B3GALT1: variants seen among roughly 807,000 people sequenced by gnomAD.
The protein encoded by B3GALT1 is UDP-Gal:betaGlcNAc beta 1,3-galactosyltransferase, polypeptide 1.
A neutral mutation model predicts 23.2 loss-of-function variants in B3GALT1; 10 were observed. The ratio of observed to expected loss-of-function variants is 0.43; its 90% CI spans 0.27 to 0.73. The LOEUF is 0.73. Ranked by LOEUF, B3GALT1 falls within the 30% of genes least tolerant of loss-of-function variation. B3GALT1 has a pLI of 0.21. For synonymous variants in B3GALT1, 156 were observed against 141.5 expected (o/e 1.10, Z -0.73); for missense variants, 299 against 405.4 (o/e 0.74, Z 2.25).
chr2:167,498,530 C>T (rs893881425), intron 2 of B3GALT1, among the ~76,000 whole-genome samples: 6 of 151,970 alleles, frequency 3.9e-5, no homozygotes, highest in Non-Finnish European at 8.8e-5. Flanking sequence ...TTTAAAATAT[C>T]TTTCTATGTT....
intron 3 of B3GALT1, among the ~76,000 whole-genome samples, chr2:167,726,761 C>G (rs1687323227): frequency 6.6e-6 from 1 of 152,254 alleles, no homozygotes; most frequent in Non-Finnish European, 1.5e-5. Context: ...ACACTTCAGT[C>G]TAACTGGCTG....
At chr2:167,547,348 A>G (rs1401547960) in intron 2 of B3GALT1, among the ~76,000 whole-genome samples, 1 of 152,190 alleles carries the variant, frequency 6.6e-6, no homozygotes, top group Non-Finnish European at 1.5e-5. Flanking sequence ...TGGGATACCA[A>G]CAAAAAAATT....
chr2:167,555,781 C>T (rs539236698), intron 2 of B3GALT1, among the ~76,000 whole-genome samples: 3 of 152,170 alleles, frequency 2.0e-5, no homozygotes, highest in East Asian at 3.9e-4. Context: ...TACCATATGG[C>T]GTGTTAATAT....
intron 2 of B3GALT1, among the ~76,000 whole-genome samples, chr2:167,543,226 C>A (rs1425175967): frequency 6.6e-6 from 1 of 151,970 alleles, no homozygotes; most frequent in Non-Finnish European, 1.5e-5. Context: ...TGAGAAAAGT[C>A]TTTTTAATAA....
chr2:167,796,963 G>T (rs769086709), intron 3 of B3GALT1, among the ~76,000 whole-genome samples: 19 of 152,098 alleles, frequency 1.2e-4, no homozygotes, highest in Non-Finnish European at 2.5e-4. Flanking sequence ...TTTAAATCGA[G>T]CATTTTTTTC....
intron 4 of B3GALT1, among the ~76,000 whole-genome samples, chr2:167,826,191 G>A (rs1689221020): frequency 6.6e-6 from 1 of 152,122 alleles, no homozygotes; most frequent in Non-Finnish European, 1.5e-5. Flanking sequence ...GGCAGGGAAT[G>A]GGTCAGGTCA....
intron 1 of B3GALT1, among the ~76,000 whole-genome samples, chr2:167,453,486 G>T (rs545606986): frequency 6.6e-6 from 1 of 152,114 alleles, no homozygotes; most frequent in Non-Finnish European, 1.5e-5. Flanking sequence ...TTATCACAAG[G>T]TTAATGCAAG....
intron 3 of B3GALT1, among the ~76,000 whole-genome samples, chr2:167,753,270 C>T (rs1391941345): frequency 6.6e-6 from 1 of 152,202 alleles, no homozygotes; most frequent in Non-Finnish European, 1.5e-5. Flanking sequence ...GAGCAATACC[C>T]AGAGCCATGC....
intron 3 of B3GALT1, among the ~76,000 whole-genome samples, chr2:167,792,094 C>T (rs750467662): frequency 2.0e-5 from 3 of 151,992 alleles, no homozygotes; most frequent in South Asian, 4.2e-4. Flanking sequence ...ACAATATAAC[C>T]TCTCTGACGG....
intron 3 of B3GALT1, among the ~76,000 whole-genome samples, chr2:167,809,477 T>C (rs1172927251): frequency 3.9e-5 from 6 of 152,202 alleles, no homozygotes; most frequent in African/African-American, 7.2e-5. Context: ...GGATGTCCTT[T>C]GTGTTTGTTA....
chr2:167,676,496 T>C (rs960875833), intron 3 of B3GALT1, among the ~76,000 whole-genome samples: 22 of 139,842 alleles, frequency 1.6e-4, no homozygotes, highest in East Asian at 4.2e-4. Flanking sequence ...CACACACACA[T>C]GCACACACGT....
chr2:167,728,269 T>C (rs1687350979), intron 3 of B3GALT1, among the ~76,000 whole-genome samples: 1 of 152,118 alleles, frequency 6.6e-6, no homozygotes, highest in Admixed American at 6.6e-5. Context: ...CACCTGTAAT[T>C]TCAGCTACTC....
intron 4 of B3GALT1, among the ~76,000 whole-genome samples, chr2:167,837,472 G>A (rs1322083847): frequency 3.3e-5 from 5 of 151,710 alleles, no homozygotes; most frequent in Non-Finnish European, 7.4e-5. Context: ...CACAAGAAGA[G>A]CTAACTATCC....
At position 167,432,426 on chromosome 2, in the gene B3GALT1, G is replaced by A. The variant is rs538713335; in HGVS notation, c.-510-57751G>A. Among the ~76,000 whole-genome samples the A allele has an allele frequency of 5.8e-4, 88 of 152,314 alleles. 1 individual carries two copies. The highest frequency in any genetic ancestry group is 6.2e-4 in the Non-Finnish European group (42 of 68,026). On this transcript the variant is annotated intron_variant, in intron 1 of 4. Transcript: ENST00000392690. ...ACCAAATCCAGCCACTGACCCAGAG[G>A]TTTCTGCAAAGACAGGGAAGAAAGC...
At chr2:167,758,528 T>C (rs1687852706) in intron 3 of B3GALT1, among the ~76,000 whole-genome samples, 1 of 152,140 alleles carries the variant, frequency 6.6e-6, no homozygotes, top group African/African-American at 2.4e-5. Context: ...CATCAGCACC[T>C]CTGGGCTCCA....
chr2:167,302,864 T>C (rs996223936), intron 1 of B3GALT1, among the ~76,000 whole-genome samples: 3 of 152,186 alleles, frequency 2.0e-5, no homozygotes, highest in African/African-American at 2.4e-5. Context: ...ATGGAAAGTT[T>C]TGATGTTTTT....
intron 1 of B3GALT1, among the ~76,000 whole-genome samples, chr2:167,396,117 T>C (rs1462164189): frequency 6.6e-6 from 1 of 152,166 alleles, no homozygotes; most frequent in Non-Finnish European, 1.5e-5. Flanking sequence ...CACTAATTAA[T>C]GGCTTTTAAG....
intron 3 of B3GALT1, among the ~76,000 whole-genome samples, chr2:167,691,060 T>G (rs954180466): frequency 2.0e-5 from 3 of 152,148 alleles, no homozygotes; most frequent in Non-Finnish European, 4.4e-5. Context: ...TACCAGAACA[T>G]TTGAATATAA....
chr2:167,339,272 T>A (rs953153720), intron 1 of B3GALT1, among the ~76,000 whole-genome samples: 1 of 152,176 alleles, frequency 6.6e-6, no homozygotes, highest in African/African-American at 2.4e-5. Context: ...AAAATAAGAA[T>A]GTTGAATTTT....
Sources: allele counts gnomAD v4.1 joint callset (sites outside exome capture counted in the v4.1 genomes callset), GRCh38; gene constraint gnomAD v4.1.1; transcripts MANE v1.5; gene names NCBI Gene and HGNC (gene_info 2026-07-23, HGNC 2026-07-21).